Variants in NBEA observed in about 807,000 individuals in gnomAD.
NBEA encodes the protein lysosomal-trafficking regulator 2.
A neutral mutation model predicts 343.4 loss-of-function variants in NBEA; 44 were observed. The ratio of observed to expected loss-of-function variants is 0.13; its 90% confidence interval spans 0.10 to 0.16. The LOEUF (loss-of-function observed/expected upper bound fraction) is 0.16, where lower values mean the gene tolerates loss of function less well. Ranked by LOEUF, NBEA falls within the 10% of genes least tolerant of loss-of-function variation. The pLI, the probability that NBEA is intolerant of heterozygous loss-of-function variation, is 1.00. For synonymous variants in NBEA, 1,175 were observed against 1,238.7 expected (o/e 0.95, Z 1.08); for missense variants, 2,555 against 3,631.3 (o/e 0.70, Z 7.62).
rs753186964 is a variant in NBEA, at chr13:35,041,181, C to G, written c.526+17C>G. On this transcript the variant is annotated intron_variant, in intron 2 of 58. Transcript: ENST00000379939. ...TGATAGCAGGTATGGGGTTGTCTGA[C>G]AGGAAAGTATAACTTAAATGTTTAT... The G allele has an allele frequency of 1.1e-5, 18 of 1,583,894 alleles. No homozygotes were observed. The highest frequency in any genetic ancestry group is 1.6e-5 in the Non-Finnish European group (18 of 1,156,010).
At chr13:35,470,213 T>C (rs1211833886) in intron 40 of NBEA, among the ~76,000 whole-genome samples, 1 of 152,168 alleles carries the variant, frequency 6.6e-6, no homozygotes, top group Non-Finnish European at 1.5e-5. Context: ...GAAAATCTCC[T>C]CAACAGAAGG....
At chr13:35,325,781 T>C (rs559081807) in intron 36 of NBEA, among the ~76,000 whole-genome samples, 21 of 152,086 alleles carry the variant, frequency 1.4e-4, no homozygotes, top group Admixed American at 4.6e-4. Flanking sequence ...TTCTTACATT[T>C]TGAGATTAGA....
intron 5 of NBEA, 43 bp from the exon 6 acceptor site, chr13:35,050,226 T>C (rs1480415837): frequency 2.5e-6 from 4 of 1,577,742 alleles, no homozygotes; most frequent in South Asian, 2.3e-5. Flanking sequence ...TGTTTAGTTC[T>C]TTTTATCAGA....
intron 18 of NBEA, among the ~76,000 whole-genome samples, chr13:35,154,069 G>A (rs1036441847): frequency 6.6e-6 from 1 of 152,138 alleles, no homozygotes; most frequent in African/African-American, 2.4e-5. Context: ...ACAAGTAAGT[G>A]TTTAGTTTCA....
chr13:35,593,915 A>T (rs1197902870), intron 47 of NBEA, among the ~76,000 whole-genome samples: 4 of 152,066 alleles, frequency 2.6e-5, no homozygotes, highest in African/African-American at 9.7e-5. Context: ...CTTTTACTTG[A>T]CTGTGCCTGG....
chr13:35,257,097 CT>C (rs1381356950), intron 34 of NBEA, among the ~76,000 whole-genome samples: 1 of 152,142 alleles, frequency 6.6e-6, no homozygotes, highest in Non-Finnish European at 1.5e-5. Context: ...ATCAATGTCA[CT>C]TTTTAAAAGT....
intron 38 of NBEA, among the ~76,000 whole-genome samples, chr13:35,376,589 A>G (rs1272286311): frequency 2.0e-5 from 3 of 152,098 alleles, no homozygotes; most frequent in South Asian, 4.1e-4. Flanking sequence ...CATTCGTTCT[A>G]TAAATTATTC....
intron 1 of NBEA, among the ~76,000 whole-genome samples, chr13:35,038,949 A>G (rs1207540494): frequency 6.6e-6 from 1 of 152,144 alleles, no homozygotes; most frequent in Non-Finnish European, 1.5e-5. Flanking sequence ...TATGAGGTAC[A>G]GTCCTTATGG....
chr13:35,484,226 A>G (rs2076221587), intron 41 of NBEA, among the ~76,000 whole-genome samples: 1 of 144,568 alleles, frequency 6.9e-6, no homozygotes, highest in Non-Finnish European at 1.5e-5. Flanking sequence ...ATATTTACCT[A>G]CATTAATATG....
At chr13:35,459,973 G>T (rs2046815325) in intron 40 of NBEA, among the ~76,000 whole-genome samples, 1 of 152,114 alleles carries the variant, frequency 6.6e-6, no homozygotes, top group Non-Finnish European at 1.5e-5. Flanking sequence ...GCCTAACTCT[G>T]TGCATTGCAA....
At chr13:34,963,179 C>G (rs2059712756) in intron 1 of NBEA, among the ~76,000 whole-genome samples, 1 of 151,982 alleles carries the variant, frequency 6.6e-6, no homozygotes, top group Non-Finnish European at 1.5e-5. Flanking sequence ...ATACTGCAGA[C>G]TGGGTGGCTT....
At chr13:35,327,693 G>A (rs1445641184) in intron 36 of NBEA, among the ~76,000 whole-genome samples, 3 of 151,892 alleles carry the variant, frequency 2.0e-5, no homozygotes, top group Non-Finnish European at 4.4e-5. Context: ...CTACCAGGGT[G>A]ATGGGATCTA....
chr13:35,535,935 A>G (rs9530685), intron 41 of NBEA, among the ~76,000 whole-genome samples: 43,184 of 152,134 alleles, frequency 0.28, 7,924 homozygotes, highest in African/African-American at 0.5. Context: ...ATACACAGTA[A>G]AATAGACCCA....
intron 36 of NBEA, among the ~76,000 whole-genome samples, chr13:35,320,150 G>T (rs948086872): frequency 2.0e-5 from 3 of 152,138 alleles, no homozygotes; most frequent in African/African-American, 7.2e-5. Context: ...ACGCTAGCTG[G>T]TTAATTTGCC....
In NBEA at chr13:34,992,200, G is replaced by A. The variant is rs1250443283; in HGVS notation, c.295-48733G>A. Among the ~76,000 whole-genome samples, 10 of 123,246 alleles carry A rather than the reference G, an allele frequency of 8.1e-5. No individual in the cohort carries two copies. In the South Asian group the frequency reaches 2.0e-3, roughly 25 times the overall value. The allele number at this position is 123,246 out of a possible 152,430, so 80.9% of individuals were successfully genotyped here. On this transcript the variant is annotated intron_variant, in intron 1 of 58. Coordinates refer to ENST00000379939, the MANE Select transcript of NBEA (RefSeq NM_001385012.1). ...TGTGTATATGTGTGTGTATATATAT[G>A]TGTGTGTGTGTGTGTGTGTATATGT...
At chr13:35,099,456 T>A (rs1188714099) in intron 11 of NBEA, among the ~76,000 whole-genome samples, 1 of 152,158 alleles carries the variant, frequency 6.6e-6, no homozygotes, top group Non-Finnish European at 1.5e-5. Flanking sequence ...CGCCTTGGAC[T>A]CCCAGCGTGC....
chr13:35,567,728 A>G (rs1442010246), intron 45 of NBEA, among the ~76,000 whole-genome samples: 1 of 152,168 alleles, frequency 6.6e-6, no homozygotes, highest in East Asian at 1.9e-4. Context: ...TTTCTATCAG[A>G]CTTGATTGTC....
At chr13:35,025,596 C>A (rs1001550186) in intron 1 of NBEA, among the ~76,000 whole-genome samples, 1 of 151,780 alleles carries the variant, frequency 6.6e-6, no homozygotes, top group African/African-American at 2.4e-5. Flanking sequence ...TAGTGTAATG[C>A]CTCTGGTTTT....
chr13:35,302,214 T>A (rs2036601462), intron 35 of NBEA, among the ~76,000 whole-genome samples: 1 of 152,202 alleles, frequency 6.6e-6, no homozygotes, highest in Non-Finnish European at 1.5e-5. Context: ...AATTTTTTGT[T>A]TTCCTCTCAG....
Sources: allele counts gnomAD v4.1 joint callset (sites outside exome capture counted in the v4.1 genomes callset), GRCh38; gene constraint gnomAD v4.1.1; transcripts MANE v1.5; gene names NCBI Gene and HGNC (gene_info 2026-07-23, HGNC 2026-07-21).